The following CNBD1 variants were observed in gnomAD, a reference collection of about 807,000 sequenced individuals.
CNBD1 encodes the protein cyclic nucleotide-binding domain-containing protein 1.
CNBD1 carries 71 observed loss-of-function variants against 54.4 expected under a neutral mutation model. The observed-to-expected ratio is 1.30, with a 90% CI of 1.08 to 1.59. The LOEUF (loss-of-function observed/expected upper bound fraction) is 1.59, where lower values mean the gene tolerates loss of function less well. CNBD1 is among the 40% of genes most tolerant of loss of function. The probability of loss-of-function intolerance (pLI) is 0.00; values close to 1 mark genes in which losing one functional copy is unlikely to be tolerated. For synonymous variants in CNBD1, 182 were observed against 170.7 expected (o/e 1.07, Z -0.51); for missense variants, 659 against 518.0 (o/e 1.27, Z -2.64).
chr8:87,303,173 T>C (rs1347059546), intron 8 of CNBD1, among the ~76,000 whole-genome samples: 5 of 151,758 alleles, frequency 3.3e-5, no homozygotes, highest in South Asian at 2.1e-4. Context: ...GAGCCTGCAT[T>C]GCCAAGTCAA....
At chr8:87,192,962 A>G (rs927147550) in intron 4 of CNBD1, among the ~76,000 whole-genome samples, 1 of 152,212 alleles carries the variant, frequency 6.6e-6, no homozygotes, top group African/African-American at 2.4e-5. Context: ...TAGTGAAAAT[A>G]TTACAAACAG....
chr8:87,423,700 GC>G (rs1171784216), intron 2 of CNBD1, among the ~76,000 whole-genome samples: 9 of 150,262 alleles, frequency 6.0e-5, no homozygotes, highest in African/African-American at 2.0e-4. Context: ...GAGGATTTTT[GC>G]ATCAATGTTC....
intron 2 of CNBD1, among the ~76,000 whole-genome samples, chr8:87,420,547 C>A (rs554307086): frequency 6.6e-6 from 1 of 152,056 alleles, no homozygotes; most frequent in Non-Finnish European, 1.5e-5. Flanking sequence ...TCGGAGATGA[C>A]ATCTTCCCAC....
At chr8:87,173,409 A>G (rs1411709998) in intron 4 of CNBD1, among the ~76,000 whole-genome samples, 1 of 152,134 alleles carries the variant, frequency 6.6e-6, no homozygotes, top group Non-Finnish European at 1.5e-5. Context: ...CTTATTGCTC[A>G]TTAACTTTCT....
intron 6 of CNBD1, among the ~76,000 whole-genome samples, chr8:87,258,298 G>A (rs1214510091): frequency 1.3e-5 from 2 of 151,392 alleles, no homozygotes; most frequent in Admixed American, 6.6e-5. Flanking sequence ...TTTTTAAAAG[G>A]CAAAAACCTT....
downstream of CNBD1, among the ~76,000 whole-genome samples, chr8:87,383,145 CTT>C (rs1282720129): frequency 6.6e-6 from 1 of 151,896 alleles, no homozygotes; most frequent in Non-Finnish European, 1.5e-5. Context: ...CTTTTTTCAT[CTT>C]TTAAAAATAT....
chr8:86,913,636 C>T (rs1809138474), intron 3 of CNBD1, among the ~76,000 whole-genome samples: 1 of 152,080 alleles, frequency 6.6e-6, no homozygotes, highest in Admixed American at 6.6e-5. Context: ...GTGTTGTTCA[C>T]AGAGATCACA....
chr8:87,356,473 A>C (rs1216743042), intron 10 of CNBD1, among the ~76,000 whole-genome samples: 1 of 152,188 alleles, frequency 6.6e-6, no homozygotes, highest in Non-Finnish European at 1.5e-5. Flanking sequence ...TCTTGGCTGC[A>C]TTGTGTCCAT....
chr8:87,412,444 G>A (rs928561175), intron 2 of CNBD1, among the ~76,000 whole-genome samples: 3 of 152,064 alleles, frequency 2.0e-5, no homozygotes, highest in Admixed American at 6.6e-5. Flanking sequence ...CCTATCATGT[G>A]CAAGTGATTT....
At chr8:87,216,488 C>T (rs567936806) in intron 5 of CNBD1, among the ~76,000 whole-genome samples, 1 of 152,266 alleles carries the variant, frequency 6.6e-6, no homozygotes, top group Non-Finnish European at 1.5e-5. Flanking sequence ...GGAATTCTGT[C>T]ATATGAGAAA....
At chr8:87,376,461 G>A (rs770504089) in intron 10 of CNBD1, among the ~76,000 whole-genome samples, 4 of 151,826 alleles carry the variant, frequency 2.6e-5, no homozygotes, top group Non-Finnish European at 4.4e-5. Flanking sequence ...GAATTTTTGA[G>A]GGATGTAACC....
intron 4 of CNBD1, among the ~76,000 whole-genome samples, chr8:87,067,255 A>C: frequency 6.6e-6 from 1 of 151,990 alleles, no homozygotes; most frequent in East Asian, 1.9e-4. Flanking sequence ...TCCAGCAAAT[A>C]AACTTGGAAA....
At chr8:87,394,703 C>T (rs987560137) in intron 2 of CNBD1, among the ~76,000 whole-genome samples, 1 of 151,864 alleles carries the variant, frequency 6.6e-6, no homozygotes, top group Admixed American at 6.6e-5. Flanking sequence ...CCTATCCATG[C>T]ATAAAAAGAA....
intron 8 of CNBD1, among the ~76,000 whole-genome samples, chr8:87,315,007 G>A (rs79656795): frequency 0.057 from 8,597 of 152,068 alleles, 356 homozygotes; most frequent in Non-Finnish European, 0.09. Flanking sequence ...TTGTTATATT[G>A]ATTCTAATGT....
intron 4 of CNBD1, among the ~76,000 whole-genome samples, chr8:87,146,488 A>G (rs992775167): frequency 5.9e-5 from 9 of 152,148 alleles, no homozygotes; most frequent in Non-Finnish European, 1.3e-4. Context: ...TATTTTGTTT[A>G]GTAATTCATT....
intron 10 of CNBD1, among the ~76,000 whole-genome samples, chr8:87,379,429 T>A (rs1027179575): frequency 1.3e-5 from 2 of 151,678 alleles, no homozygotes; most frequent in Non-Finnish European, 2.9e-5. Context: ...AAAATATACA[T>A]TTTTTTCAGC....
intron 4 of CNBD1, among the ~76,000 whole-genome samples, chr8:87,079,118 T>G: frequency 6.6e-6 from 1 of 151,982 alleles, no homozygotes; most frequent in East Asian, 1.9e-4. Flanking sequence ...TCTTACAAAA[T>G]AATTTCACAG....
At chr8:87,316,835 A>G (rs1809396360) in intron 8 of CNBD1, among the ~76,000 whole-genome samples, 1 of 151,868 alleles carries the variant, frequency 6.6e-6, no homozygotes, top group Non-Finnish European at 1.5e-5. Context: ...GTGTATATCT[A>G]TTTACAACTC....
chr8:87,000,068 A>G (rs1191051028), intron 4 of CNBD1, among the ~76,000 whole-genome samples: 1 of 152,158 alleles, frequency 6.6e-6, no homozygotes, highest in East Asian at 1.9e-4. Context: ...CCATAAGTAA[A>G]GTAATAAGGC....
Sources: gnomAD v4.1 joint callset for allele counts (sites outside exome capture counted in the v4.1 genomes callset) on GRCh38, gnomAD v4.1.1 for gene constraint, MANE v1.5 for transcripts, NCBI Gene and HGNC (gene_info 2026-07-23, HGNC 2026-07-21) for gene names.